The following CNTN5 variants were observed in gnomAD, a reference collection of about 807,000 sequenced individuals.
CNTN5 encodes the protein contactin-5.
In CNTN5, 77 loss-of-function variants were observed where a neutral mutation model predicts 129.1. The observed-to-expected ratio is 0.60, with a 90% CI of 0.50 to 0.72. The LOEUF (loss-of-function observed/expected upper bound fraction) is 0.72, where lower values mean the gene tolerates loss of function less well. Ranked by LOEUF, CNTN5 falls within the 30% of genes least tolerant of loss-of-function variation. CNTN5 has a pLI of 0.00. For missense variants in CNTN5, 1,478 were observed against 1,328.8 expected (o/e 1.11, Z -1.75); for synonymous variants, 509 against 465.6 (o/e 1.09, Z -1.20).
chr11:100,308,273 G>A (rs1298940901), intron 20 of CNTN5, 86 bp from the exon 21 acceptor site: 3 of 1,177,168 alleles, frequency 2.5e-6, no homozygotes, highest in African/African-American at 3.1e-5. Context: ...AATAAGGTAA[G>A]AGGAATTTAA....
intron 3 of CNTN5, among the ~76,000 whole-genome samples, chr11:99,764,424 T>G (rs1944685753): frequency 6.6e-6 from 1 of 152,074 alleles, no homozygotes; most frequent in Admixed American, 6.6e-5. Flanking sequence ...GTTTTTGTTT[T>G]TTGTTTTTGA....
intron 3 of CNTN5, among the ~76,000 whole-genome samples, chr11:99,714,145 T>C (rs542207285): frequency 6.6e-6 from 1 of 151,994 alleles, no homozygotes; most frequent in African/African-American, 2.4e-5. Flanking sequence ...GATTTTAATA[T>C]TATCAAGTAA....
At chr11:100,102,333 T>C (rs926400292) in intron 13 of CNTN5, among the ~76,000 whole-genome samples, 1 of 152,134 alleles carries the variant, frequency 6.6e-6, no homozygotes, top group Non-Finnish European at 1.5e-5. Context: ...TGAACATTTT[T>C]AAAAATATTT....
At chr11:100,125,414 G>A (rs567295328) in intron 13 of CNTN5, among the ~76,000 whole-genome samples, 1 of 152,150 alleles carries the variant, frequency 6.6e-6, no homozygotes, top group African/African-American at 2.4e-5. Context: ...GTGAAAACAT[G>A]CAGAATTTGG....
At chr11:99,715,338 C>T (rs750674667) in intron 3 of CNTN5, among the ~76,000 whole-genome samples, 2 of 151,716 alleles carry the variant, frequency 1.3e-5, no homozygotes, top group Non-Finnish European at 2.9e-5. Context: ...CTCACAGAGG[C>T]AATGGTGAGG....
intron 1 of CNTN5, among the ~76,000 whole-genome samples, chr11:99,076,288 T>C (rs534338744): frequency 1.8e-3 from 273 of 151,980 alleles, no homozygotes; most frequent in Admixed American, 2.9e-3. Flanking sequence ...TGAACCGAGG[T>C]TGCACCCAGT....
At chr11:100,203,410 G>A (rs910018173) in intron 15 of CNTN5, among the ~76,000 whole-genome samples, 1 of 151,928 alleles carries the variant, frequency 6.6e-6, no homozygotes, top group Non-Finnish European at 1.5e-5. Context: ...GAGTACAAAG[G>A]TCTCAATCAT....
intron 1 of CNTN5, among the ~76,000 whole-genome samples, chr11:99,243,738 T>A (rs1200014324): frequency 8.3e-6 from 1 of 120,498 alleles, no homozygotes; most frequent in South Asian, 3.0e-4. Flanking sequence ...TATTGCTTAT[T>A]TTTTTTTTTT....
chr11:100,004,528 A>G (rs540020697), intron 9 of CNTN5, among the ~76,000 whole-genome samples: 26 of 152,308 alleles, frequency 1.7e-4, no homozygotes, highest in Admixed American at 2.6e-4. Flanking sequence ...AATTTCCCAC[A>G]TACGTGTTTC....
At chr11:99,349,605 T>C (rs373700212) in intron 2 of CNTN5, among the ~76,000 whole-genome samples, 31 of 152,310 alleles carry the variant, frequency 2.0e-4, no homozygotes, top group African/African-American at 7.5e-4. Context: ...TTGGGGGAAT[T>C]GAACACTTGG....
intron 2 of CNTN5, among the ~76,000 whole-genome samples, chr11:99,511,826 A>ATAC (rs373887047): frequency 0.058 from 8,753 of 151,682 alleles, 264 homozygotes; most frequent in South Asian, 0.079. Flanking sequence ...TATAATAATA[A>ATAC]AATTTAAATA....
intron 1 of CNTN5, among the ~76,000 whole-genome samples, chr11:99,253,894 CGTTTATAT>C (rs1226934363): frequency 5.8e-5 from 5 of 86,358 alleles, no homozygotes; most frequent in Admixed American, 1.0e-4. Flanking sequence ...CACAAATATA[CGTTTATAT>C]ATATATATAT....
intron 2 of CNTN5, among the ~76,000 whole-genome samples, chr11:99,468,660 T>A (rs1306881372): frequency 6.6e-6 from 1 of 152,092 alleles, no homozygotes; most frequent in African/African-American, 2.4e-5. Flanking sequence ...TCACCTTTTT[T>A]TTTTTTGGAA....
intron 1 of CNTN5, among the ~76,000 whole-genome samples, chr11:99,320,626 A>G (rs552920640): frequency 3.3e-5 from 5 of 152,346 alleles, no homozygotes; most frequent in African/African-American, 1.2e-4. Flanking sequence ...TGAAAGGTAT[A>G]TAACAATGGG....
At chr11:99,544,990 C>A (rs1190121710) in intron 2 of CNTN5, among the ~76,000 whole-genome samples, 1 of 152,148 alleles carries the variant, frequency 6.6e-6, no homozygotes, top group African/African-American at 2.4e-5. Context: ...ACATAGAAGA[C>A]CACTCTTACA....
rs923464888 is a variant in CNTN5 at position 99,134,354 on chromosome 11, C to T, written c.-210+113084C>T. Among the ~76,000 whole-genome samples, 3 of 152,038 alleles carry T rather than the reference C, an allele frequency of 2.0e-5. No homozygotes were observed. In the East Asian group the frequency reaches 5.8e-4, roughly 29 times the overall value. Reference sequence around the variant, plus strand: ...AGGTGCAGCAAACCACCATGGCACACGTTTACCTGTATAAAAAACCTGCAC... The same window carrying T: ...AGGTGCAGCAAACCACCATGGCACATGTTTACCTGTATAAAAAACCTGCAC... On this transcript the variant is annotated intron_variant, in intron 1 of 24. Coordinates refer to ENST00000524871, the MANE Select transcript of CNTN5 (RefSeq NM_014361.4).
chr11:100,302,895 G>GA (rs1385126293), intron 20 of CNTN5, among the ~76,000 whole-genome samples: 3 of 151,450 alleles, frequency 2.0e-5, no homozygotes, highest in East Asian at 1.9e-4. Context: ...GTTTTTCAAA[G>GA]AAAAAATCAT....
intron 13 of CNTN5, among the ~76,000 whole-genome samples, chr11:100,161,488 G>T (rs965483875): frequency 1.3e-5 from 2 of 151,788 alleles, no homozygotes; most frequent in Non-Finnish European, 2.9e-5. Flanking sequence ...TATACTGAAA[G>T]ATATTTTCAT....
At chr11:99,776,375 C>A (rs1345973755) in intron 3 of CNTN5, among the ~76,000 whole-genome samples, 1 of 151,954 alleles carries the variant, frequency 6.6e-6, no homozygotes, top group African/African-American at 2.4e-5. Context: ...AATTAATACC[C>A]AATTTCAACA....
Sources: allele counts gnomAD v4.1 joint callset (sites outside exome capture counted in the v4.1 genomes callset), GRCh38; gene constraint gnomAD v4.1.1; transcripts MANE v1.5; gene names NCBI Gene and HGNC (gene_info 2026-07-23, HGNC 2026-07-21).